The following SCN10A variants were observed in gnomAD, a reference collection of about 807,000 sequenced individuals.
SCN10A encodes sodium channel protein type 10 subunit alpha.
In SCN10A, 162 loss-of-function variants were observed where a neutral mutation model predicts 170.7. That is an observed-to-expected ratio of 0.95 (90% CI 0.84 to 1.08). The LOEUF (loss-of-function observed/expected upper bound fraction) is 1.08, where lower values mean the gene tolerates loss of function less well. SCN10A is among the 50% of genes least tolerant of loss of function. The pLI is 0.00. For synonymous variants in SCN10A, 985 were observed against 904.6 expected, an observed-to-expected ratio of 1.09 and a Z score of -1.59; for missense variants, 2,527 against 2,436.9, an observed-to-expected ratio of 1.04 and a Z score of -0.78.
At chr3:38,708,952 T>C (rs2063240683) in intron 25 of SCN10A, among the ~76,000 whole-genome samples, 1 of 152,232 alleles carries the variant, frequency 6.6e-6, no homozygotes, top group African/African-American at 2.4e-5. Context: ...AAATACTTTA[T>C]ACCTTTATTG....
intron 5 of SCN10A, among the ~76,000 whole-genome samples, chr3:38,767,772 GT>G (rs1269165323): frequency 6.6e-6 from 1 of 152,094 alleles, no homozygotes; most frequent in African/African-American, 2.4e-5. Context: ...CTAGGTTACA[GT>G]TTAAGTTCAT....
chr3:38,706,562 C>CA (rs894972523), intron 26 of SCN10A, among the ~76,000 whole-genome samples: 29 of 152,108 alleles, frequency 1.9e-4, no homozygotes, highest in African/African-American at 6.8e-4. Context: ...CATCCATTCC[C>CA]AAAAAAGTGC....
chr3:38,788,878 A>T, intron 4 of SCN10A, 78 bp downstream of exon 4: 1 of 888,668 alleles, frequency 1.1e-6, no homozygotes, highest in Non-Finnish European at 1.9e-6. Context: ...CAGGATAAAT[A>T]AAAGACAAAG....
chr3:38,788,636 C>T (rs2064239564), intron 4 of SCN10A, among the ~76,000 whole-genome samples: 2 of 150,360 alleles, frequency 1.3e-5, no homozygotes, highest in Admixed American at 6.7e-5. Flanking sequence ...GGGGTGGGGG[C>T]GAGGAGACTC....
intron 15 of SCN10A, among the ~76,000 whole-genome samples, chr3:38,737,624 A>C (rs1307894559): frequency 6.6e-6 from 1 of 152,084 alleles, no homozygotes; most frequent in South Asian, 2.1e-4. Context: ...GTTTTTAAAA[A>C]CTGGATTAGT....
intron 13 of SCN10A, among the ~76,000 whole-genome samples, chr3:38,748,551 T>C (rs918188942): frequency 7.9e-5 from 12 of 152,182 alleles, no homozygotes; most frequent in Non-Finnish European, 2.9e-5. Flanking sequence ...TGGTCCTTTG[T>C]CATTGCTAAG....
In SCN10A at chr3:38,792,122, G is replaced by T; in HGVS notation, c.317C>A (p.Ala106Asp). 1 of 1,613,840 alleles carries T rather than the reference G, an allele frequency of 6.2e-7. No individual in the cohort carries two copies. The highest frequency in any genetic ancestry group is 8.5e-7 in the Non-Finnish European group (1 of 1,179,820). The change falls in exon 3 of 28, where the codon GCC (alanine) becomes GAC (aspartate). Residue 106 changes from alanine to aspartate, a missense_variant. Ala to Asp is a moderately radical substitution (Grantham distance 126). Transcript: ENST00000449082. ...NKGRTISRFS[A>D]TRALWLFSPF... ...ACTGAATAGCCACAGGGCCCGAGTG[G>T]CACTAAACCGGGAAATGGTCCTCCC...
intron 4 of SCN10A, among the ~76,000 whole-genome samples, chr3:38,784,458 A>C (rs969803037): frequency 6.6e-6 from 1 of 152,126 alleles, no homozygotes; most frequent in African/African-American, 2.4e-5. Context: ...CTCTCAATAA[A>C]CTAGGTATTG....
intron 25 of SCN10A, among the ~76,000 whole-genome samples, chr3:38,707,730 A>G (rs2063225858): frequency 6.6e-6 from 1 of 152,186 alleles, no homozygotes; most frequent in African/African-American, 2.4e-5. Context: ...TTCCAGTAAA[A>G]TTCTTTGGGC....
At chr3:38,795,582 T>C (rs887067362) in intron 1 of SCN10A, among the ~76,000 whole-genome samples, 3 of 152,098 alleles carry the variant, frequency 2.0e-5, no homozygotes, top group African/African-American at 4.8e-5. Flanking sequence ...TTGATGGTCC[T>C]ATTGGCTGTT....
intron 19 of SCN10A, among the ~76,000 whole-genome samples, chr3:38,722,845 A>T (rs1431689488): frequency 2.0e-5 from 3 of 152,352 alleles, no homozygotes; most frequent in African/African-American, 7.2e-5. Flanking sequence ...AAATAAAACT[A>T]TTAATAAAAA....
At chr3:38,750,877 C>T (rs1475577317) in intron 12 of SCN10A, among the ~76,000 whole-genome samples, 1 of 152,196 alleles carries the variant, frequency 6.6e-6, no homozygotes, top group Non-Finnish European at 1.5e-5. Flanking sequence ...GCATAAATGC[C>T]TTCAGTGAGG....
Position 38,698,042 on chromosome 3 carries a change from A to T in SCN10A, c.5178T>A (p.Asn1726Lys), listed in dbSNP as rs767177596. The change falls in exon 28 of 28, where the codon AAT (asparagine) becomes AAA (lysine). Residue 1726 changes from asparagine (N) to lysine (K), a missense_variant. Coordinates refer to ENST00000449082, the MANE Select transcript of SCN10A (RefSeq NM_006514.4). ...GCTCAGTGCTCTCCTCCGTGGCCAC[A>T]TTGAAGTTCTCCAGAATCACTGCAA... is the stretch of plus-strand genomic sequence containing the variant. ...MYIAVILENF[N>K]VATEESTEPL... 3 of 1,614,192 alleles carry T rather than the reference A, an allele frequency of 1.9e-6. No individual in the cohort carries two copies. Among genetic ancestry groups the T allele is most frequent in the African/African-American group, 1.3e-5 (1 of 75,048 alleles).
At chr3:38,704,676 A>G (rs867483122) in intron 26 of SCN10A, among the ~76,000 whole-genome samples, 27 of 152,322 alleles carry the variant, frequency 1.8e-4, no homozygotes, top group Admixed American at 7.2e-4. Context: ...AGTCTTGTGG[A>G]ATCCTTAACT....
chr3:38,701,764 C>T (rs2063158110), intron 27 of SCN10A, 75 bp downstream of exon 27: 1 of 1,418,220 alleles, frequency 7.1e-7, no homozygotes, highest in Admixed American at 2.4e-5. Flanking sequence ...TTGGTTATTT[C>T]CTTGGTTTTA....
chr3:38,760,576 A>T, intron 8 of SCN10A, 105 bp downstream of exon 8: 1 of 880,650 alleles, frequency 1.1e-6, no homozygotes, highest in South Asian at 1.4e-5. Context: ...TTATTTATAC[A>T]TCTTTCCCAG....
chr3:38,798,952 C>G (rs1462880682), intron 1 of SCN10A, among the ~76,000 whole-genome samples: 1 of 151,902 alleles, frequency 6.6e-6, no homozygotes, highest in Non-Finnish European at 1.5e-5. Flanking sequence ...CCACGCCTGG[C>G]TAATCTTCAT....
rs758836437 is a variant in SCN10A at position 38,726,955 on chromosome 3, G to T, written c.2738C>A (p.Ala913Asp). The T allele has an allele frequency of 3.7e-6, 6 of 1,614,102 alleles. No homozygotes were observed. The East Asian group carries it at 1.3e-4, about 36-fold the overall frequency. The change falls in exon 17 of 28, where the codon GCC (alanine) becomes GAC (aspartate). Residue 913 changes from alanine to aspartate, a missense_variant. Transcript: ENST00000449082. ...GCCAAAGACCTGGATCCGTGCCAGG[G>T]CCACCTGCAGGTTGTTCACCTCCCC... ...DDGEVNNLQV[A>D]LARIQVFGHR...
At chr3:38,765,235 T>A (rs2063918895) in intron 5 of SCN10A, among the ~76,000 whole-genome samples, 1 of 152,182 alleles carries the variant, frequency 6.6e-6, no homozygotes, top group South Asian at 2.1e-4. Flanking sequence ...ATCTATTTAT[T>A]TTTGTTTTTG....
Sources: gnomAD v4.1 joint callset for allele counts (sites outside exome capture counted in the v4.1 genomes callset) on GRCh38, gnomAD v4.1.1 for gene constraint, MANE v1.5 for transcripts, NCBI Gene and HGNC (gene_info 2026-07-23, HGNC 2026-07-21) for gene names.